CCM2L: variants seen among roughly 807,000 people sequenced by gnomAD.
The protein encoded by CCM2L is CCM2 like scaffold protein, also known as cerebral cavernous malformations 2 protein-like.
A neutral mutation model predicts 54.1 loss-of-function variants in CCM2L; 36 were observed. That is an observed-to-expected ratio of 0.67 (90% confidence interval 0.51 to 0.88). The LOEUF is 0.88. Among genes scored for constraint, CCM2L ranks in the 40% least tolerant of loss-of-function variants. CCM2L has a pLI of 0.00. For synonymous variants in CCM2L, 351 were observed against 359.3 expected (o/e 0.98, Z 0.26); for missense variants, 700 against 812.1 (o/e 0.86, Z 1.68).
chr20:32,024,576 C>T (rs892425895), intron 6 of CCM2L, among the ~76,000 whole-genome samples: 5 of 152,172 alleles, frequency 3.3e-5, no homozygotes, highest in Admixed American at 2.0e-4. Context: ...CCTGTAATCC[C>T]AGCACTTTGG....
In CCM2L at chr20:32,018,167, GGCGGGAGGGGGCGGGGGC is replaced by G; in HGVS notation, c.466+7_466+24del. ...ACCTGCTAGTGCTCAAGACCGGTGC[GGCGGGAGGGGGCGGGGGC>G]GGGGGAGGGGCGGGGGCGGGGGCGG... is the stretch of plus-strand genomic sequence containing the variant. On this transcript the variant is annotated splice_donor_region_variant and intron_variant, in intron 4 of 9. Coordinates refer to ENST00000452892, the MANE Select transcript of CCM2L (RefSeq NM_001365692.1). 2.3e-6 allele frequency: 3 copies of G among 1,332,374 alleles called. No homozygotes were observed. Among genetic ancestry groups the G allele is most frequent in the South Asian group, 1.5e-5 (1 of 67,850 alleles). 82.5% of individuals were successfully genotyped at this position (1,332,374 alleles called of 1,614,324 possible). A position where few individuals can be genotyped will look rare whatever the true frequency, so the allele number is the denominator to read the frequency against.
intron 7 of CCM2L, among the ~76,000 whole-genome samples, chr20:32,026,479 G>GCCAGAT: frequency 6.6e-6 from 1 of 152,110 alleles, no homozygotes; most frequent in East Asian, 1.9e-4. Flanking sequence ...AAAGAGTTTT[G>GCCAGAT]CCAGATTCCC....
At chr20:32,020,740 C>T (rs976931598) in intron 5 of CCM2L, among the ~76,000 whole-genome samples, 14 of 152,220 alleles carry the variant, frequency 9.2e-5, no homozygotes, top group Non-Finnish European at 1.5e-4. Context: ...AATCCCAGCA[C>T]TTTGGGAGGC....
rs1324129525 is a variant in CCM2L, at chr20:32,019,308, G to A, written c.832G>A (p.Gly278Ser). Residue 278 changes from glycine to serine, a missense_variant, in exon 5 of 10, where the codon GGC becomes AGC. Transcript: ENST00000452892. Reference sequence around the variant, plus strand: ...GAGGCAGGCGGGCAGCGGCGGGGGAGGCAGCTGGGAGCGGCGCCACCCCGG... The same window carrying A: ...GAGGCAGGCGGGCAGCGGCGGGGGAAGCAGCTGGGAGCGGCGCCACCCCGG... ...ERRQAGSGGG[G>S]SWERRHPGPN... 18 of 1,310,490 alleles carry A rather than the reference G, an allele frequency of 1.4e-5. No individual in the cohort carries two copies. Among genetic ancestry groups the A allele is most frequent in the African/African-American group, 6.1e-5 (4 of 65,988 alleles). 81.2% of individuals were successfully genotyped at this position (1,310,490 alleles called of 1,614,324 possible). A position where few individuals can be genotyped will look rare whatever the true frequency, so the allele number is the denominator to read the frequency against.
At chr20:32,015,920 G>A (rs1037220721) in intron 2 of CCM2L, among the ~76,000 whole-genome samples, 3 of 147,086 alleles carry the variant, frequency 2.0e-5, no homozygotes, top group African/African-American at 7.7e-5. Context: ...GCAGTGGCAC[G>A]ATCTTGGCTC....
intron 5 of CCM2L, among the ~76,000 whole-genome samples, chr20:32,020,279 C>T (rs984030100): frequency 1.3e-5 from 2 of 152,186 alleles, no homozygotes; most frequent in Non-Finnish European, 2.9e-5. Context: ...CAGATAATAA[C>T]CAGTAAACTC....
Position 32,022,550 on chromosome 20 carries a change from C to T in CCM2L, c.934-110C>T, listed in dbSNP as rs2064814223. 3.1e-6 allele frequency: 4 copies of T among 1,282,956 alleles called. No homozygotes were observed. In the Admixed American group the frequency reaches 8.9e-5, roughly 29 times the overall value. 79.5% of individuals were successfully genotyped at this position (1,282,956 alleles called of 1,614,324 possible). A position where few individuals can be genotyped will look rare whatever the true frequency, so the allele number is the denominator to read the frequency against. On this transcript the variant is annotated intron_variant, in intron 5 of 9. Transcript: ENST00000452892. ...AATTCTTGAAAGCCAATTTAAAGGG[C>T]TCTATAGGTGTGTATCTTTGTGCGC...
intron 6 of CCM2L, among the ~76,000 whole-genome samples, 172 bp downstream of exon 6, chr20:32,022,967 C>CT (rs1437509765): frequency 7.2e-6 from 1 of 139,694 alleles, no homozygotes; most frequent in Non-Finnish European, 1.5e-5. Flanking sequence ...TTTTCTTTTT[C>CT]TTTTCTTTTT....
At position 32,018,893 on chromosome 20, in the gene CCM2L, G is replaced by C. The variant is rs1032893948; in HGVS notation, c.467-50G>C. 2.9e-5 allele frequency: 36 copies of C among 1,251,612 alleles called. No homozygotes were observed. The East Asian group carries it at 6.8e-4, about 24-fold the overall frequency. The allele number at this position is 1,251,612 out of a possible 1,614,324, so 77.5% of individuals were successfully genotyped here. A position where few individuals can be genotyped will look rare whatever the true frequency, so the allele number is the denominator to read the frequency against. On this transcript the variant is annotated intron_variant, in intron 4 of 9. Transcript: ENST00000452892. ...CCAGCCGGCCTCGGCGGGGCGGGGGGGTCTCTGAGTCCCGATCCCCGCGGC... is the reference window on the plus strand; with the variant it reads ...CCAGCCGGCCTCGGCGGGGCGGGGGCGTCTCTGAGTCCCGATCCCCGCGGC...
At chr20:32,025,252 CTT>C (rs1014550806) in intron 6 of CCM2L, among the ~76,000 whole-genome samples, 1 of 85,794 alleles carries the variant, frequency 1.2e-5, no homozygotes, top group African/African-American at 4.5e-5. Context: ...CTTTCTTTTT[CTT>C]TTCTTTTCTT....
In CCM2L at chr20:32,018,191, AGGGGCGGGGGCGGGGGCGGGGGAGGGGCG is replaced by A. The variant is rs1309622704; in HGVS notation, c.466+45_466+73del. 91 of 67,472 alleles carry A rather than the reference AGGGGCGGGGGCGGGGGCGGGGGAGGGGCG, an allele frequency of 1.3e-3. 11 individuals carry two copies. The highest frequency in any genetic ancestry group is 9.1e-3 in the African/African-American group (23 of 2,536). The allele number at this position is 67,472 out of a possible 1,614,324, so 4.2% of individuals were successfully genotyped here. A position where few individuals can be genotyped will look rare whatever the true frequency, so the allele number is the denominator to read the frequency against. On this transcript the variant is annotated intron_variant, in intron 4 of 9. Transcript: ENST00000452892. Reference sequence around the variant, plus strand: ...CGGCGGGAGGGGGCGGGGGCGGGGGAGGGGCGGGGGCGGGGGCGGGGGAGGGGCGGGGGCGGGGGCGGGGCAGGGGCAGG... The same window carrying A: ...CGGCGGGAGGGGGCGGGGGCGGGGGAGGGGCGGGGGCGGGGCAGGGGCAGG...
intron 6 of CCM2L, 36 bp downstream of exon 6, chr20:32,022,831 A>C: frequency 1.2e-6 from 2 of 1,607,682 alleles, no homozygotes; most frequent in Non-Finnish European, 8.5e-7. Flanking sequence ...CCTCCTGTGA[A>C]ACATCCCAAA....
chr20:32,019,219 AGCGGCGGCACGGAG>A lies in CCM2L; in HGVS notation c.752_765del (p.His251ArgfsTer11), dbSNP rs1345515273. On this transcript the variant is annotated frameshift_variant, in exon 5 of 10. Coordinates refer to ENST00000452892, the MANE Select transcript of CCM2L (RefSeq NM_001365692.1). LOFTEE classifies it high-confidence loss of function. ...CGGCAGACGTTCAGCGGCAGCTGGG[AGCGGCGGCACGGAG>A]GCGGCGGCGGCGGCGGCGGCGCGGG... 1.4e-5 allele frequency: 16 copies of A among 1,151,632 alleles called. No individual in the cohort carries two copies. Among genetic ancestry groups the A allele is most frequent in the African/African-American group, 1.6e-5 (1 of 61,522 alleles). The allele number at this position is 1,151,632 out of a possible 1,614,324, so 71.3% of individuals were successfully genotyped here.
chr20:32,023,754 C>A (rs1021759133), intron 6 of CCM2L, among the ~76,000 whole-genome samples: 1 of 152,186 alleles, frequency 6.6e-6, no homozygotes, highest in Admixed American at 6.5e-5. Flanking sequence ...TTGTTTGAGA[C>A]GGAGTCTCAC....
intron 5 of CCM2L, among the ~76,000 whole-genome samples, chr20:32,021,833 A>G (rs2064809482): frequency 1.3e-5 from 2 of 152,166 alleles, no homozygotes; most frequent in Non-Finnish European, 2.9e-5. Context: ...TTGTCTGTCC[A>G]TTTTGTAGGT....
At position 32,029,001 on chromosome 20, in the gene CCM2L, C is replaced by G; in HGVS notation, c.1140C>G (p.Gly380=). The part of the protein sequence containing the change: ...ADFSCCSSFN[G]SQDTFEACYS... The stretch of plus-strand genomic sequence containing the variant: ...CTTCTTCCCGTGCCTGCAGTAATGG[C>G]TCCCAGGACACCTTTGAAGCATGTT... The change falls in exon 8 of 10, where the codon GGC becomes GGG. Residue 380 remains glycine, a synonymous_variant. Transcript: ENST00000452892. The G allele has an allele frequency of 1.2e-6, 2 of 1,614,146 alleles. No individual in the cohort carries two copies. Among genetic ancestry groups the G allele is most frequent in the Non-Finnish European group, 1.7e-6 (2 of 1,180,016 alleles).
In CCM2L at chr20:32,031,112, G is replaced by T. The variant is rs1471615975; in HGVS notation, c.1514G>T (p.Arg505Leu). ...ILTDSFGRIK[R>L]SMSSTSASAV... ...ACTGACAGCTTCGGCCGCATCAAGC[G>T]CAGCATGAGCTCCACGTCGGCCTCC... The change falls in exon 10 of 10, where the codon CGC becomes CTC. Residue 505 changes from arginine to leucine, a missense_variant. Transcript: ENST00000452892. 1 of 1,304,100 alleles carries T rather than the reference G, an allele frequency of 7.7e-7. No homozygotes were observed. Among genetic ancestry groups the T allele is most frequent in the African/African-American group, 1.5e-5 (1 of 65,876 alleles). The allele number at this position is 1,304,100 out of a possible 1,614,324, so 80.8% of individuals were successfully genotyped here.
chr20:32,013,276 G>A (rs2064709299), intron 1 of CCM2L, among the ~76,000 whole-genome samples: 1 of 152,144 alleles, frequency 6.6e-6, no homozygotes, highest in African/African-American at 2.4e-5. Context: ...TTCAATCTGG[G>A]CAACAGAGCA....
At chr20:32,010,851 T>C (rs2064687726) in intron 1 of CCM2L, among the ~76,000 whole-genome samples, 1 of 152,108 alleles carries the variant, frequency 6.6e-6, no homozygotes. Flanking sequence ...ATTCTCCTGC[T>C]CGTCACTGCC....
Sources: gnomAD v4.1 joint callset for allele counts (sites outside exome capture counted in the v4.1 genomes callset) on GRCh38, gnomAD v4.1.1 for gene constraint, MANE v1.5 for transcripts, NCBI Gene and HGNC (gene_info 2026-07-23, HGNC 2026-07-21) for gene names.